Variants in PRXL2A observed in about 807,000 individuals in gnomAD.
PRXL2A encodes peroxiredoxin-like 2A.
PRXL2A carries 26 observed loss-of-function variants against 25.6 expected under a neutral mutation model. That is an observed-to-expected ratio of 1.02 (90% CI 0.74 to 1.41). The LOEUF (loss-of-function observed/expected upper bound fraction) is 1.41. Among genes scored for constraint, PRXL2A ranks in the 40% most tolerant of loss-of-function variants. The pLI is 0.00. For missense variants in PRXL2A, 246 were observed against 273.9 expected (o/e 0.90, Z 0.72); for synonymous variants, 98 against 102.9 (o/e 0.95, Z 0.29).
chr10:80,425,799 T>A (rs1845020263), intron 3 of PRXL2A, 67 bp from the exon 4 acceptor site: 1 of 1,596,530 alleles, frequency 6.3e-7, no homozygotes, highest in Non-Finnish European at 8.6e-7. Flanking sequence ...AGAGGGAACC[T>A]GACACCCTAT....
rs150230265 is a variant in PRXL2A at position 80,416,568 on chromosome 10, C to G, written c.-2-3898C>G. Among the ~76,000 whole-genome samples, 588 of 152,100 alleles carry G rather than the reference C, an allele frequency of 3.9e-3. 21 individuals carry two copies. The highest frequency in any genetic ancestry group is 0.037 in the Admixed American group (561 of 15,276). ...AAAGAGGCCTCTGAGTTGTGAAGCACAGAATGAAATAGGATATTCCAGGCA... is the reference window on the plus strand; with the variant it reads ...AAAGAGGCCTCTGAGTTGTGAAGCAGAGAATGAAATAGGATATTCCAGGCA... On this transcript the variant is annotated intron_variant, in intron 1 of 5. Coordinates refer to ENST00000606162, the MANE Select transcript of PRXL2A (RefSeq NM_032333.5).
intron 1 of PRXL2A, chr10:80,413,936 G>A: frequency 1.9e-6 from 2 of 1,076,018 alleles, no homozygotes; most frequent in Non-Finnish European, 2.4e-6. Flanking sequence ...ACCGTTTGAG[G>A]AAGGGAGTTG....
At chr10:80,430,694 A>G (rs985972456) in intron 5 of PRXL2A, among the ~76,000 whole-genome samples, 4 of 152,224 alleles carry the variant, frequency 2.6e-5, no homozygotes, top group African/African-American at 9.6e-5. Context: ...ATTTAAAAAC[A>G]GCAGAACATA....
chr10:80,412,702 A>C (rs1321262763), intron 1 of PRXL2A, among the ~76,000 whole-genome samples: 1 of 152,160 alleles, frequency 6.6e-6, no homozygotes, highest in Non-Finnish European at 1.5e-5. Flanking sequence ...GCTGGGCCTT[A>C]TGAATAAGTA....
At chr10:80,427,751 C>T (rs572851954) in intron 5 of PRXL2A, among the ~76,000 whole-genome samples, 1 of 152,146 alleles carries the variant, frequency 6.6e-6, no homozygotes, top group South Asian at 2.1e-4. Context: ...ATTTTGCAGA[C>T]AAGGAACTTA....
chr10:80,418,616 A>C (rs1589555291), intron 1 of PRXL2A, among the ~76,000 whole-genome samples: 1 of 152,172 alleles, frequency 6.6e-6, no homozygotes, highest in East Asian at 1.9e-4. Context: ...GAGGTGGGCC[A>C]CACAATTACC....
At chr10:80,408,086 T>C (rs1019719980), upstream of PRXL2A, 9 of 151,312 alleles carry the variant, frequency 5.9e-5, no homozygotes, top group East Asian at 3.9e-4. Context: ...AGGATTGAGG[T>C]TGGAAATTCT....
upstream of PRXL2A, chr10:80,407,955 G>A (rs1434474415): frequency 6.6e-6 from 1 of 152,168 alleles, no homozygotes; most frequent in East Asian, 1.9e-4. Context: ...CCAACAGGAG[G>A]AGTAAGTGGA....
chr10:80,417,600 G>A (rs1047804667), intron 1 of PRXL2A, among the ~76,000 whole-genome samples: 7 of 152,088 alleles, frequency 4.6e-5, no homozygotes, highest in Admixed American at 1.3e-4. Context: ...AACCATAGCA[G>A]CACCCCCTTC....
chr10:80,429,051 A>G (rs1045540252), intron 5 of PRXL2A, among the ~76,000 whole-genome samples: 1 of 151,930 alleles, frequency 6.6e-6, no homozygotes, highest in African/African-American at 2.4e-5. Flanking sequence ...ACAGGCACCC[A>G]CCACCACACC....
In PRXL2A at chr10:80,427,347, C is replaced by G. The variant is rs985372218; in HGVS notation, c.427C>G (p.Pro143Ala). ...FLDEKKKFYG[P>A]QRRKMMFMGF... ...CACTCCATAGAAAAAGTTCTATGGT[C>G]CACAAAGGCGGAAGATGATGTTTAT... Residue 143 changes from proline to alanine, a missense_variant, in exon 5 of 6, where the codon CCA becomes GCA. By Grantham distance (27) the Pro-to-Ala change is conservative. Coordinates refer to ENST00000606162, the MANE Select transcript of PRXL2A (RefSeq NM_032333.5). 60 of 1,613,796 alleles carry G rather than the reference C, an allele frequency of 3.7e-5. No homozygotes were observed. The highest frequency in any genetic ancestry group is 4.9e-5 in the Non-Finnish European group (58 of 1,179,958).
In PRXL2A at chr10:80,430,089, CTTT is replaced by C. The variant is rs753076825; in HGVS notation, c.577-1874_577-1872del. 7.1e-3 allele frequency among the ~76,000 whole-genome samples: 476 copies of C among 66,578 alleles called. 4 individuals are homozygous for C. Among genetic ancestry groups the C allele is most frequent in the East Asian group, 0.052 (95 of 1,812 alleles). The allele number at this position is 66,578 out of a possible 152,430, so 43.7% of individuals were successfully genotyped here. ...CTAAAATTGGGGTGGTGGGGATTTC[CTTT>C]TTTTTTTTTTTTTTTTTTTTTTCTG... is the stretch of plus-strand genomic sequence containing the variant. On this transcript the variant is annotated intron_variant, in intron 5 of 5. Coordinates refer to ENST00000606162, the MANE Select transcript of PRXL2A (RefSeq NM_032333.5).
At chr10:80,412,240 A>C (rs1193657344) in intron 1 of PRXL2A, among the ~76,000 whole-genome samples, 1 of 152,158 alleles carries the variant, frequency 6.6e-6, no homozygotes, top group Non-Finnish European at 1.5e-5. Context: ...TCATACCTTA[A>C]GTCAGATTGC....
intron 1 of PRXL2A, chr10:80,413,759 T>C (rs1844551133): frequency 5.7e-6 from 5 of 874,216 alleles, no homozygotes; most frequent in Non-Finnish European, 7.0e-6. Flanking sequence ...ATGGAGTGAC[T>C]GAGCCTAGGG....
Position 80,424,783 on chromosome 10 carries a change from C to A in PRXL2A, c.271-1083C>A, listed in dbSNP as rs78882743. ...GGCTGAGGCGTGAGAATCACTTGAACCCAGGAGGTGTAGGTTGCATTGAGC... is the reference window on the plus strand; with the variant it reads ...GGCTGAGGCGTGAGAATCACTTGAAACCAGGAGGTGTAGGTTGCATTGAGC... On this transcript the variant is annotated intron_variant, in intron 3 of 5. Transcript: ENST00000606162. Among the ~76,000 whole-genome samples the A allele has an allele frequency of 4.5e-4, 69 of 152,256 alleles. No individual in the cohort carries two copies. In the East Asian group the frequency reaches 0.012, roughly 26 times the overall value.
At chr10:80,418,155 A>C (rs1434490797) in intron 1 of PRXL2A, among the ~76,000 whole-genome samples, 1 of 151,544 alleles carries the variant, frequency 6.6e-6, no homozygotes, top group Admixed American at 6.6e-5. Flanking sequence ...TATACCTGAT[A>C]GGTAATTTTC....
At chr10:80,424,251 A>G (rs1446812080) in intron 3 of PRXL2A, among the ~76,000 whole-genome samples, 1 of 151,938 alleles carries the variant, frequency 6.6e-6, no homozygotes, top group Non-Finnish European at 1.5e-5. Flanking sequence ...CACCAGGAGT[A>G]AAGAGCCAGG....
At chr10:80,414,919 C>T (rs1471420308) in intron 1 of PRXL2A, among the ~76,000 whole-genome samples, 2 of 152,180 alleles carry the variant, frequency 1.3e-5, no homozygotes, top group Admixed American at 1.3e-4. Context: ...AATTAAAATT[C>T]CTTTGATTGT....
intron 3 of PRXL2A, among the ~76,000 whole-genome samples, chr10:80,423,876 C>A (rs1844945147): frequency 6.6e-6 from 1 of 152,210 alleles, no homozygotes; most frequent in Admixed American, 6.5e-5. Context: ...GGTTGCATTC[C>A]TTCTGAAGAC....
Sources: gnomAD v4.1 joint callset for allele counts (sites outside exome capture counted in the v4.1 genomes callset) on GRCh38, gnomAD v4.1.1 for gene constraint, MANE v1.5 for transcripts, NCBI Gene and HGNC (gene_info 2026-07-23, HGNC 2026-07-21) for gene names.